Variants in RIMBP2 observed in about 807,000 individuals in gnomAD.
RIMBP2 encodes the protein RIMS binding protein 2, also known as RIMS-binding protein 2.
Under a neutral mutation model 118.6 loss-of-function variants are expected in RIMBP2, and 48 were observed. The ratio of observed to expected loss-of-function variants is 0.40; its 90% CI spans 0.32 to 0.51. The LOEUF (loss-of-function observed/expected upper bound fraction) is 0.51. Ranked by LOEUF, RIMBP2 falls within the 20% of genes least tolerant of loss-of-function variation. The probability of loss-of-function intolerance (pLI) is 0.41; values close to 1 mark genes in which losing one functional copy is unlikely to be tolerated. For synonymous variants in RIMBP2, 762 were observed against 742.9 expected (o/e 1.03, Z -0.42); for missense variants, 1,551 against 1,768.3 (o/e 0.88, Z 2.20).
intron 2 of RIMBP2, among the ~76,000 whole-genome samples, chr12:130,602,750 T>C (rs574737117): frequency 2.2e-4 from 33 of 152,358 alleles, no homozygotes; most frequent in Admixed American, 9.1e-4. Context: ...TTGCACCATA[T>C]TGTAATCAAC....
At chr12:130,456,306 G>A (rs951590065) in intron 7 of RIMBP2, among the ~76,000 whole-genome samples, 190 bp downstream of exon 7, 4 of 152,152 alleles carry the variant, frequency 2.6e-5, no homozygotes, top group East Asian at 1.9e-4. Context: ...GTGGATGCCC[G>A]TGAGGTGCTG....
intron 1 of RIMBP2, among the ~76,000 whole-genome samples, chr12:130,702,115 G>T (rs909193185): frequency 2.6e-5 from 4 of 152,140 alleles, no homozygotes; most frequent in East Asian, 1.9e-4. Context: ...GGTCCCAGCT[G>T]TTTGCATTAC....
At chr12:130,517,389 T>G (rs2051584368) in intron 3 of RIMBP2, among the ~76,000 whole-genome samples, 1 of 152,126 alleles carries the variant, frequency 6.6e-6, no homozygotes, top group East Asian at 1.9e-4. Context: ...CTTTTCTTTA[T>G]AAAGTACCAA....
intron 1 of RIMBP2, chr12:130,668,553 G>A (rs2064053222): frequency 6.6e-6 from 1 of 152,464 alleles, no homozygotes; most frequent in Non-Finnish European, 1.5e-5. Context: ...TGAGGTCTGA[G>A]GGGAGTGGGT....
intron 1 of RIMBP2, among the ~76,000 whole-genome samples, chr12:130,714,265 T>A (rs944157612): frequency 6.6e-6 from 1 of 152,220 alleles, no homozygotes; most frequent in African/African-American, 2.4e-5. Flanking sequence ...GAGATGAAAC[T>A]GAAAGCTACA....
chr12:130,584,869 T>C (rs1441456777), intron 2 of RIMBP2, among the ~76,000 whole-genome samples: 1 of 79,642 alleles, frequency 1.3e-5, no homozygotes, highest in Non-Finnish European at 3.5e-5. Flanking sequence ...TTGTAACTAT[T>C]ATATTTTTAT....
At chr12:130,400,496 C>G (rs1465289281) in intron 21 of RIMBP2, among the ~76,000 whole-genome samples, 1 of 152,162 alleles carries the variant, frequency 6.6e-6, no homozygotes, top group Admixed American at 6.5e-5. Flanking sequence ...TCATCTGCAC[C>G]AAGTGGCTCA....
intron 2 of RIMBP2, among the ~76,000 whole-genome samples, chr12:130,564,034 G>T: frequency 6.8e-6 from 1 of 148,114 alleles, no homozygotes; most frequent in Non-Finnish European, 1.5e-5. Flanking sequence ...GGCAGTCCCA[G>T]TCCCAGGGCC....
Position 130,548,147 on chromosome 12 carries a change from G to A in RIMBP2, c.-216-30230C>T, listed in dbSNP as rs573751569. Among the ~76,000 whole-genome samples, 12 of 151,672 alleles carry A rather than the reference G, an allele frequency of 7.9e-5. No individual in the cohort carries two copies. In the East Asian group the frequency reaches 1.5e-3, roughly 20 times the overall value. On this transcript the variant is annotated intron_variant, in intron 2 of 22. Coordinates refer to ENST00000690449, the MANE Select transcript of RIMBP2 (RefSeq NM_001393629.1). The stretch of plus-strand genomic sequence containing the variant: ...TGACGGAAGACAAGAAGCCCACGAC[G>A]GAAGACAAGAAGCCCACGGCTTGTT...
intron 2 of RIMBP2, among the ~76,000 whole-genome samples, chr12:130,580,052 G>C (rs111372347): frequency 8.1e-6 from 1 of 123,682 alleles, no homozygotes; most frequent in Non-Finnish European, 1.7e-5. Flanking sequence ...AAAAAAATTA[G>C]CCGGGCATGG....
chr12:130,533,684 TAAAGA>T (rs1194820654), intron 2 of RIMBP2, among the ~76,000 whole-genome samples: 1 of 152,162 alleles, frequency 6.6e-6, no homozygotes, highest in East Asian at 1.9e-4. Context: ...GATAATTGGA[TAAAGA>T]AAATATGGTA....
At position 130,663,974 on chromosome 12, in the gene RIMBP2, G is replaced by A. The variant is rs149102920; in HGVS notation, c.-351-35518C>T. 2.0e-3 allele frequency among the ~76,000 whole-genome samples: 299 copies of A among 151,688 alleles called. 12 individuals carry two copies. The highest frequency in any genetic ancestry group is 6.9e-3 in the African/African-American group (284 of 41,030). On this transcript the variant is annotated intron_variant, in intron 1 of 22. Coordinates refer to ENST00000690449, the MANE Select transcript of RIMBP2 (RefSeq NM_001393629.1). ...GAAGAACTGTGCAGGACCTGAGGAGGGGAGATCTCTGTGAAGCATTGTGGA... is the reference window on the plus strand; with the variant it reads ...GAAGAACTGTGCAGGACCTGAGGAGAGGAGATCTCTGTGAAGCATTGTGGA...
chr12:130,530,298 G>C (rs2053235951), intron 2 of RIMBP2, among the ~76,000 whole-genome samples: 1 of 152,058 alleles, frequency 6.6e-6, no homozygotes, highest in African/African-American at 2.4e-5. Flanking sequence ...TTTTCTATAT[G>C]TGATTTTGGT....
intron 10 of RIMBP2, 144 bp downstream of exon 10, chr12:130,445,016 C>T (rs1300166750): frequency 2.0e-5 from 11 of 550,198 alleles, no homozygotes; most frequent in Admixed American, 9.5e-5. Context: ...CTGGTAACTA[C>T]GGAGTGGGGA....
intron 2 of RIMBP2, among the ~76,000 whole-genome samples, chr12:130,582,035 C>A (rs998658356): frequency 2.6e-5 from 4 of 152,074 alleles, no homozygotes; most frequent in Non-Finnish European, 4.4e-5. Flanking sequence ...TCCGTGAATA[C>A]CCACGTGGCT....
chr12:130,513,772 C>G (rs900744603), intron 3 of RIMBP2, among the ~76,000 whole-genome samples: 3 of 152,230 alleles, frequency 2.0e-5, no homozygotes, highest in Admixed American at 6.5e-5. Context: ...AATGCTGACA[C>G]TGCAGTCTCT....
chr12:130,481,069 C>T (rs984243227), intron 4 of RIMBP2, among the ~76,000 whole-genome samples: 2 of 133,996 alleles, frequency 1.5e-5, no homozygotes, highest in Non-Finnish European at 3.2e-5. Flanking sequence ...GCGAGGGAGT[C>T]CCTGCTGAGA....
At chr12:130,546,461 A>C (rs1272396925) in intron 2 of RIMBP2, among the ~76,000 whole-genome samples, 3 of 151,912 alleles carry the variant, frequency 2.0e-5, no homozygotes, top group Non-Finnish European at 4.4e-5. Flanking sequence ...ACATCCACCC[A>C]ATTTTTGTAT....
chr12:130,490,609 C>T (rs146342612), intron 4 of RIMBP2, among the ~76,000 whole-genome samples: 2 of 152,244 alleles, frequency 1.3e-5, no homozygotes, highest in African/African-American at 2.4e-5. Flanking sequence ...GGGGCAAAGG[C>T]AGGTTCGGTA....
Sources: gnomAD v4.1 joint callset for allele counts (sites outside exome capture counted in the v4.1 genomes callset) on GRCh38, gnomAD v4.1.1 for gene constraint, MANE v1.5 for transcripts, NCBI Gene and HGNC (gene_info 2026-07-23, HGNC 2026-07-21) for gene names.